The following EPG5 variants were observed in gnomAD, a reference collection of about 807,000 sequenced individuals.
EPG5 encodes ectopic P-granules 5 autophagy tethering factor.
EPG5 carries 159 observed loss-of-function variants against 302.7 expected under a neutral mutation model. That is an observed-to-expected ratio of 0.53 (90% CI 0.46 to 0.60). EPG5 has a LOEUF of 0.60. Among genes scored for constraint, EPG5 ranks in the 20% least tolerant of loss-of-function variants. EPG5 has a pLI of 0.00. For synonymous variants in EPG5, 1,158 were observed against 1,136.8 expected, an observed-to-expected ratio of 1.02 and a Z score of -0.37; for missense variants, 2,896 against 3,092.4, an observed-to-expected ratio of 0.94 and a Z score of 1.51.
chr18:45,899,769 A>G (rs2049564190), intron 26 of EPG5, among the ~76,000 whole-genome samples: 1 of 152,188 alleles, frequency 6.6e-6, no homozygotes, highest in African/African-American at 2.4e-5. Context: ...AAGAAATGAA[A>G]GAAAAGCCTA....
chr18:45,921,997 C>T (rs529627785), intron 16 of EPG5, among the ~76,000 whole-genome samples: 8 of 149,652 alleles, frequency 5.3e-5, no homozygotes, highest in Non-Finnish European at 8.9e-5. Context: ...AGTTGGGCTA[C>T]GATCAATTTT....
the EPG5 span, chr18:45,842,371 C>T: frequency 1.7e-6 from 1 of 605,664 alleles, no homozygotes; most frequent in Non-Finnish European, 2.9e-6. Context: ...TGTGGACAAC[C>T]ATTTCGGAGC....
Position 45,916,160 on chromosome 18 carries a change from G to A in EPG5, c.3431C>T (p.Ala1144Val), listed in dbSNP as rs748656204. The A allele has an allele frequency of 6.2e-7, 1 of 1,614,078 alleles. No individual in the cohort carries two copies. The highest frequency in any genetic ancestry group is 8.5e-7 in the Non-Finnish European group (1 of 1,179,962). The change falls in exon 19 of 44, where the codon GCT (alanine) becomes GTT (valine). Residue 1144 changes from alanine to valine, a missense_variant. By Grantham distance (64) the Ala-to-Val change is moderately conservative. This residue lies in a region of EPG5 where 1,390 missense variants were observed against 1,430.0 expected (regional missense o/e 0.97). Coordinates refer to ENST00000282041, the MANE Select transcript of EPG5 (RefSeq NM_020964.3). ...AGCCTGAACCCAGAACTCCAACACA[G>A]CAACGGGGCCCACTTCATTGGGCTG... is the stretch of plus-strand genomic sequence containing the variant. The part of the protein sequence containing the change: ...STQPNEVGPV[A>V]VLEFWVQALI...
At chr18:45,870,474 C>A in intron 36 of EPG5, 93 bp downstream of exon 36, 1 of 1,138,662 alleles carries the variant, frequency 8.8e-7, no homozygotes. Context: ...CACGCTAGCA[C>A]ACACTGCCAC....
Position 45,869,218 on chromosome 18 carries a change from CTATT to C in EPG5, c.6225+1345_6225+1348del, listed in dbSNP as rs1234528052. Among the ~76,000 whole-genome samples, 9 of 152,272 alleles carry C rather than the reference CTATT, an allele frequency of 5.9e-5. No individual in the cohort carries two copies. The East Asian group carries it at 1.5e-3, about 26-fold the overall frequency. On this transcript the variant is annotated intron_variant, in intron 36 of 43. Coordinates refer to ENST00000282041, the MANE Select transcript of EPG5 (RefSeq NM_020964.3). ...CAAAATGAAGATTAAAAGCTCTAGT[CTATT>C]TATAAAATCATGATCAATGGAATTT...
the EPG5 span, among the ~76,000 whole-genome samples, chr18:45,808,972 C>T: frequency 6.6e-6 from 1 of 152,246 alleles, no homozygotes; most frequent in South Asian, 2.1e-4. Flanking sequence ...TCACCAACCA[C>T]TATCTGCTGC....
chr18:45,844,428 G>A (rs774166808), downstream of EPG5, among the ~76,000 whole-genome samples: 2 of 152,132 alleles, frequency 1.3e-5, no homozygotes, highest in Non-Finnish European at 2.9e-5. Flanking sequence ...GTTCTTAACG[G>A]TAAGTACTTG....
chr18:45,840,286 A>G, the EPG5 span: 3 of 1,587,614 alleles, frequency 1.9e-6, no homozygotes, highest in Non-Finnish European at 2.6e-6. Context: ...CCACCCACCT[A>G]GTCCTCATCA....
the EPG5 span, chr18:45,840,142 G>A: frequency 2.6e-6 from 4 of 1,561,422 alleles, no homozygotes; most frequent in Non-Finnish European, 3.5e-6. Context: ...TGGCATGGGT[G>A]GGGGTGGGCG....
intron 13 of EPG5, among the ~76,000 whole-genome samples, 154 bp from the exon 14 acceptor site, chr18:45,926,056 G>A (rs2050261063): frequency 6.6e-6 from 1 of 152,134 alleles, no homozygotes; most frequent in Admixed American, 6.6e-5. Context: ...GGAAATCACG[G>A]ACAACCAAAT....
chr18:45,911,819 ATGGCTCTGGC>A (rs771511832), intron 22 of EPG5, among the ~76,000 whole-genome samples: 75 of 152,188 alleles, frequency 4.9e-4, no homozygotes, highest in South Asian at 1.7e-3. Flanking sequence ...GTAATAGTGG[ATGGCTCTGGC>A]TGGGTGGAGT....
chr18:45,899,202 T>C (rs941322045), intron 27 of EPG5, among the ~76,000 whole-genome samples: 2 of 152,136 alleles, frequency 1.3e-5, no homozygotes, highest in African/African-American at 4.8e-5. Context: ...AATTCCTATT[T>C]GAATATCTGT....
rs1407836914 is a variant in EPG5 at position 45,950,099 on chromosome 18, T to C, written c.1390-508A>G. 2.6e-5 allele frequency among the ~76,000 whole-genome samples: 4 copies of C among 152,342 alleles called. No individual in the cohort carries two copies. The East Asian group carries it at 7.7e-4, about 29-fold the overall frequency. On this transcript the variant is annotated intron_variant, in intron 4 of 43. Transcript: ENST00000282041. The stretch of plus-strand genomic sequence containing the variant: ...TTTCTTCTTTCTCTTAAAAGAAACA[T>C]TTTTAAGCATGACATTAAATATCAC...
At chr18:45,888,299 T>A (rs1357829590) in intron 28 of EPG5, among the ~76,000 whole-genome samples, 1 of 151,084 alleles carries the variant, frequency 6.6e-6, no homozygotes, top group Non-Finnish European at 1.5e-5. Context: ...TTATTTATTT[T>A]ATTTTATTTA....
the EPG5 span, among the ~76,000 whole-genome samples, chr18:45,831,080 T>G: frequency 6.6e-6 from 1 of 152,182 alleles, no homozygotes; most frequent in Admixed American, 6.5e-5. Context: ...AAAGTCAGCA[T>G]CAGAGCTAGG....
intron 35 of EPG5, among the ~76,000 whole-genome samples, chr18:45,871,133 T>C (rs1303125854): frequency 3.3e-5 from 5 of 152,208 alleles, no homozygotes. Context: ...AAATGTTCCA[T>C]TTTTTAAAAG....
intron 23 of EPG5, among the ~76,000 whole-genome samples, chr18:45,910,265 C>T (rs547374106): frequency 9.3e-4 from 141 of 152,178 alleles, no homozygotes; most frequent in African/African-American, 3.1e-3. Context: ...TCTATTTTTA[C>T]GTAAAGAAGT....
chr18:45,886,023 G>A (rs955560791), intron 29 of EPG5, among the ~76,000 whole-genome samples: 2 of 152,152 alleles, frequency 1.3e-5, no homozygotes, highest in African/African-American at 4.8e-5. Flanking sequence ...AAACTTAAAA[G>A]AATGAGAGTT....
the EPG5 span, among the ~76,000 whole-genome samples, chr18:45,806,407 G>T: frequency 1.3e-5 from 2 of 152,168 alleles, no homozygotes; most frequent in Non-Finnish European, 2.9e-5. Context: ...CTTGCATCAT[G>T]AATTTTTGCT....
Sources: allele counts gnomAD v4.1 joint callset (sites outside exome capture counted in the v4.1 genomes callset), GRCh38; gene constraint gnomAD v4.1.1; regional missense constraint gnomAD v4.1.1; transcripts MANE v1.5; gene names NCBI Gene and HGNC (gene_info 2026-07-23, HGNC 2026-07-21).